RPGRIP1: variants seen among roughly 807,000 people sequenced by gnomAD.
The protein encoded by RPGRIP1 is RPGR interacting protein 1.
Under a neutral mutation model 157.9 loss-of-function variants are expected in RPGRIP1, and 128 were observed. That is an observed-to-expected ratio of 0.81 (90% CI 0.70 to 0.94). The LOEUF (loss-of-function observed/expected upper bound fraction) is 0.94. Ranked by LOEUF, RPGRIP1 falls within the 40% of genes least tolerant of loss-of-function variation. The pLI, the probability that RPGRIP1 is intolerant of heterozygous loss-of-function variation, is 0.00. For synonymous variants in RPGRIP1, 554 were observed against 571.6 expected (o/e 0.97, Z 0.44); for missense variants, 1,486 against 1,545.8 (o/e 0.96, Z 0.65).
chr14:21,288,167 T>A, intron 2 of RPGRIP1, 106 bp downstream of exon 2: 1 of 739,176 alleles, frequency 1.4e-6, no homozygotes, highest in Non-Finnish European at 2.3e-6. Flanking sequence ...AGCTCTTTTC[T>A]TCAGTCTTCT....
At chr14:21,335,057 A>C (rs1884195747) in intron 21 of RPGRIP1, among the ~76,000 whole-genome samples, 1 of 151,078 alleles carries the variant, frequency 6.6e-6, no homozygotes, top group African/African-American at 2.4e-5. Context: ...AAAAAAAAAA[A>C]AAAAAAAAAA....
At position 21,301,222 on chromosome 14, in the gene RPGRIP1, G is replaced by C; in HGVS notation, c.475G>C (p.Glu159Gln). ...CCACACAGCCGGTGCACCGGTGCCG[G>C]AGAAACCCAAGAGGGGTGAGATTTA... Reference protein sequence around the residue: ...QLHTAGAPVPEKPKRGPRDRL... With the variant: ...QLHTAGAPVPQKPKRGPRDRL... Residue 159 changes from glutamate (E) to glutamine (Q), a missense_variant, in exon 4 of 25, where the codon GAG becomes CAG. Glu to Gln is a conservative substitution (Grantham distance 29, BLOSUM62 2). Coordinates refer to ENST00000400017, the MANE Select transcript of RPGRIP1 (RefSeq NM_020366.4). 2 of 1,589,852 alleles carry C rather than the reference G, an allele frequency of 1.3e-6. No homozygotes were observed. The highest frequency in any genetic ancestry group is 1.1e-5 in the South Asian group (1 of 87,330).
In RPGRIP1 at chr14:21,324,731, A is replaced by T. The variant is rs1882869988; in HGVS notation, c.1876A>T (p.Asn626Tyr). 1 of 1,614,024 alleles carries T rather than the reference A, an allele frequency of 6.2e-7. No homozygotes were observed. The highest frequency in any genetic ancestry group is 1.7e-5 in the Admixed American group (1 of 60,016). Residue 626 changes from asparagine (N) to tyrosine (Y), a missense_variant, in exon 15 of 25, where the codon AAT becomes TAT. Transcript: ENST00000400017. ...TATTTCTCTGCTGCATCAGGGTGAG[A>T]ATCTTTTTGAACTGCACATCCACCA... ...VDISLLHQGE[N>Y]LFELHIHQAF...
intron 21 of RPGRIP1, among the ~76,000 whole-genome samples, chr14:21,339,911 A>G (rs1425706566): frequency 2.0e-5 from 3 of 152,220 alleles, no homozygotes; most frequent in African/African-American, 7.2e-5. Flanking sequence ...CAGTGAGCAA[A>G]TAAGTAAAGC....
chr14:21,288,160 T>A, intron 2 of RPGRIP1, 99 bp downstream of exon 2: 3 of 770,010 alleles, frequency 3.9e-6, no homozygotes, highest in Non-Finnish European at 4.5e-6. Flanking sequence ...TACTTTCAGC[T>A]CTTTTCTTCA....
intron 2 of RPGRIP1, among the ~76,000 whole-genome samples, chr14:21,291,830 G>A (rs773844729): frequency 3.3e-5 from 5 of 151,912 alleles, no homozygotes; most frequent in Non-Finnish European, 7.4e-5. Flanking sequence ...TGCGATCTTG[G>A]CCCACTGCAA....
chr14:21,330,319 A>T lies in RPGRIP1; in HGVS notation c.3170A>T (p.His1057Leu), dbSNP rs201521970. ...SFIGDGFKNQHEEEEMTLSHS... is the reference protein window; with the variant it reads ...SFIGDGFKNQLEEEEMTLSHS... ...ATAGGTGATGGCTTTAAAAATCAGC[A>T]CGAGGAAGAGGAAATGACATTATCC... The change falls in exon 20 of 25, where the codon CAC becomes CTC. Residue 1057 changes from histidine (H) to leucine (L), a missense_variant. Physicochemically the swap from His to Leu is moderately conservative, Grantham distance 99. Transcript: ENST00000400017. 5.2e-5 allele frequency: 82 copies of T among 1,582,904 alleles called. 1 individual carries two copies. In the East Asian group the frequency reaches 1.3e-3, roughly 25 times the overall value.
intron 22 of RPGRIP1, among the ~76,000 whole-genome samples, 158 bp from the exon 23 acceptor site, chr14:21,344,955 C>A (rs1885413017): frequency 6.6e-6 from 1 of 152,018 alleles, no homozygotes; most frequent in Non-Finnish European, 1.5e-5. Context: ...CACACACACA[C>A]AAATGATTTT....
At chr14:21,295,677 T>A (rs575399596) in intron 3 of RPGRIP1, among the ~76,000 whole-genome samples, 1 of 151,956 alleles carries the variant, frequency 6.6e-6, no homozygotes, top group South Asian at 2.1e-4. Flanking sequence ...GGTTTCTCCA[T>A]GTTGGTCAGG....
intron 12 of RPGRIP1, among the ~76,000 whole-genome samples, chr14:21,320,382 T>TG (rs971484749): frequency 1.3e-4 from 18 of 142,138 alleles, no homozygotes; most frequent in African/African-American, 3.7e-4. Context: ...CTCCGCCCCC[T>TG]GGGGTTCACG....
intron 22 of RPGRIP1, among the ~76,000 whole-genome samples, chr14:21,343,522 G>A (rs572057211): frequency 7.2e-4 from 109 of 152,004 alleles, no homozygotes; most frequent in African/African-American, 2.3e-3. Flanking sequence ...GTGGAGTCTC[G>A]CTCTGTTGCC....
At chr14:21,320,909 CTT>C (rs1288979727) in intron 12 of RPGRIP1, among the ~76,000 whole-genome samples, 7 of 152,158 alleles carry the variant, frequency 4.6e-5, no homozygotes, top group Non-Finnish European at 1.0e-4. Context: ...CTTGAGGACA[CTT>C]TTTGGAAAAC....
chr14:21,305,404 A>G (rs1452378881), intron 6 of RPGRIP1, among the ~76,000 whole-genome samples: 1 of 152,250 alleles, frequency 6.6e-6, no homozygotes, highest in Non-Finnish European at 1.5e-5. Flanking sequence ...TCAAAACACC[A>G]AATAACATTC....
At chr14:21,310,766 T>A (rs879573531) in intron 8 of RPGRIP1, 159 bp downstream of exon 8, 4 of 655,756 alleles carry the variant, frequency 6.1e-6, no homozygotes, top group Non-Finnish European at 1.1e-5. Context: ...CTATTATGAT[T>A]ATCAAAAGAT....
At chr14:21,332,246 A>G (rs1002005962) in intron 20 of RPGRIP1, among the ~76,000 whole-genome samples, 10 of 152,180 alleles carry the variant, frequency 6.6e-5, no homozygotes, top group African/African-American at 2.4e-4. Flanking sequence ...GCCTAAAAGT[A>G]TAATTTTTAA....
intron 3 of RPGRIP1, among the ~76,000 whole-genome samples, chr14:21,296,267 G>A (rs1040500847): frequency 3.3e-5 from 5 of 151,742 alleles, no homozygotes; most frequent in Non-Finnish European, 5.9e-5. Context: ...ACCACTGGCC[G>A]TGCTGCCCAG....
intron 24 of RPGRIP1, among the ~76,000 whole-genome samples, chr14:21,348,562 GT>G (rs1885801302): frequency 6.6e-6 from 1 of 151,526 alleles, no homozygotes; most frequent in African/African-American, 2.4e-5. Context: ...AAAAAGACAA[GT>G]TATTTTCATT....
At chr14:21,319,871 C>G (rs1055372735) in intron 11 of RPGRIP1, 146 bp from the exon 12 acceptor site, 2 of 822,628 alleles carry the variant, frequency 2.4e-6, no homozygotes, top group African/African-American at 1.7e-5. Context: ...CTAGAGTCCT[C>G]CTCTGTAGAA....
At chr14:21,310,902 A>G (rs1216937665) in intron 8 of RPGRIP1, 1 of 615,358 alleles carries the variant, frequency 1.6e-6, no homozygotes, top group Admixed American at 1.8e-5. Flanking sequence ...ACTTCCTAAG[A>G]GTATTCTTCT....
Sources: allele counts gnomAD v4.1 joint callset (sites outside exome capture counted in the v4.1 genomes callset), GRCh38; gene constraint gnomAD v4.1.1; transcripts MANE v1.5; gene names NCBI Gene and HGNC (gene_info 2026-07-23, HGNC 2026-07-21).